Variants in CHGA observed in about 807,000 individuals in gnomAD.
The protein encoded by CHGA is chromogranin-A.
CHGA carries 41 observed loss-of-function variants against 54.4 expected under a neutral mutation model. That is an observed-to-expected ratio of 0.75 (90% CI 0.59 to 0.98). The LOEUF is 0.98. CHGA is among the 50% of genes least tolerant of loss of function. The pLI is 0.00. For missense variants in CHGA, 576 were observed against 582.3 expected, an observed-to-expected ratio of 0.99 and a Z score of 0.11; for synonymous variants, 249 against 232.8, an observed-to-expected ratio of 1.07 and a Z score of -0.63.
At chr14:92,923,853 G>GCC (rs530390839) in intron 1 of CHGA, among the ~76,000 whole-genome samples, 3 of 145,930 alleles carry the variant, frequency 2.1e-5, no homozygotes, top group Admixed American at 6.8e-5. Flanking sequence ...CTCTTCCCCC[G>GCC]CCCCCCCCAC....
In CHGA at chr14:92,926,429, C is replaced by T. The variant is rs115599902; in HGVS notation, c.94-176C>T. 624 of 614,256 alleles carry T rather than the reference C, an allele frequency of 1.0e-3. 2 individuals are homozygous for T. The African/African-American group carries it at 0.011, about 11-fold the overall frequency. 38.1% of individuals were successfully genotyped at this position (614,256 alleles called of 1,614,324 possible). On this transcript the variant is annotated intron_variant, in intron 2 of 7. Coordinates refer to ENST00000216492, the MANE Select transcript of CHGA (RefSeq NM_001275.4). ...CACTGTGTTAAGGGTTTTCTATTATCATTGCTATCACTGTCTGGCTAAGAA... is the reference window on the plus strand; with the variant it reads ...CACTGTGTTAAGGGTTTTCTATTATTATTGCTATCACTGTCTGGCTAAGAA...
chr14:92,929,875 C>CTATGAT, intron 5 of CHGA, 60 bp downstream of exon 5: 1 of 1,348,818 alleles, frequency 7.4e-7, no homozygotes, highest in Non-Finnish European at 1.1e-6. Flanking sequence ...GGAACAGTGG[C>CTATGAT]TATGATGGAC....
At chr14:92,926,871 G>A (rs1007413727) in intron 3 of CHGA, among the ~76,000 whole-genome samples, 173 bp downstream of exon 3, 4 of 152,250 alleles carry the variant, frequency 2.6e-5, no homozygotes, top group African/African-American at 9.6e-5. Flanking sequence ...TGAAGGGGTT[G>A]TAGCCCAGGT....
chr14:92,925,044 T>C (rs750409873), intron 2 of CHGA, among the ~76,000 whole-genome samples: 21 of 152,190 alleles, frequency 1.4e-4, no homozygotes, highest in Admixed American at 4.6e-4. Flanking sequence ...TTTGCTCAAT[T>C]ATATTTCCTA....
Position 92,934,839 on chromosome 14 carries a change from G to T in CHGA, c.1329G>T (p.Glu443Asp), listed in dbSNP as rs145505017. ...ELESLSAIEA[E>D]LEKVAHQLQA... ...AGAGCCTGTCGGCCATTGAAGCAGA[G>T]CTGGAGAAAGTGGCCCACCAGCTGC... is the stretch of plus-strand genomic sequence containing the variant. The change falls in exon 8 of 8, where the codon GAG becomes GAT. Residue 443 changes from glutamate (E) to aspartate (D), a missense_variant. Glu to Asp is a conservative substitution (Grantham distance 45). Transcript: ENST00000216492. The T allele has an allele frequency of 1.3e-6, 2 of 1,586,756 alleles. No homozygotes were observed. The highest frequency in any genetic ancestry group is 1.7e-4 in the Middle Eastern group (1 of 6,014).
In CHGA at chr14:92,931,495, G is replaced by A. The variant is rs1325264091; in HGVS notation, c.601G>A (p.Gly201Arg). The part of the protein sequence containing the change: ...SQKYPGPQAE[G>R]DSEGLSQGLV... Reference sequence around the variant, plus strand: ...GAAATACCCAGGCCCACAGGCCGAGGGGGACAGTGAGGGCCTCTCTCAGGG... The same window carrying A: ...GAAATACCCAGGCCCACAGGCCGAGAGGGACAGTGAGGGCCTCTCTCAGGG... Residue 201 changes from glycine (G) to arginine (R), a missense_variant, in exon 6 of 8, where the codon GGG (glycine) becomes AGG (arginine). By Grantham distance (125) the Gly-to-Arg change is moderately radical. Coordinates refer to ENST00000216492, the MANE Select transcript of CHGA (RefSeq NM_001275.4). 3.7e-6 allele frequency: 6 copies of A among 1,612,464 alleles called. No individual in the cohort carries two copies. The highest frequency in any genetic ancestry group is 5.1e-6 in the Non-Finnish European group (6 of 1,179,606).
intron 3 of CHGA, among the ~76,000 whole-genome samples, chr14:92,927,148 A>G (rs1485436366): frequency 6.6e-6 from 1 of 152,228 alleles, no homozygotes; most frequent in Non-Finnish European, 1.5e-5. Context: ...TGCTGGATAG[A>G]GCCAGCAGCA....
At chr14:92,926,757 T>A in intron 3 of CHGA, 59 bp downstream of exon 3, 1 of 1,394,484 alleles carries the variant, frequency 7.2e-7, no homozygotes. Context: ...GGCTAGGACA[T>A]GGGTGTGTGG....
upstream of CHGA, chr14:92,923,140 C>CGCT (rs895121097): frequency 5.8e-6 from 2 of 346,696 alleles, no homozygotes; most frequent in Non-Finnish European, 1.0e-5. Context: ...GGCGCGAGGG[C>CGCT]GCTGCTGCTG....
intron 5 of CHGA, 81 bp downstream of exon 5, chr14:92,929,896 A>C: frequency 1.8e-6 from 2 of 1,105,862 alleles, no homozygotes; most frequent in Non-Finnish European, 2.7e-6. Context: ...CCAGGGTTCC[A>C]GTGAGTCGGG....
rs781318641 is a variant in CHGA, at chr14:92,931,562, G to A, written c.668G>A (p.Trp223Ter). ...AAGGGCCTGAGTGCAGAGCCAGGGT[G>A]GCAGGCAAAGAGAGAAGAGGAGGAG... Reference protein sequence around the residue: ...REKGLSAEPGWQAKREEEEEE... With the variant: ...REKGLSAEPG The change falls in exon 6 of 8, where the codon TGG (tryptophan) becomes TAG (stop). Residue 223 changes from tryptophan to a stop codon, truncating the protein, a stop_gained. Transcript: ENST00000216492. LOFTEE classifies it high-confidence loss of function. 1.2e-6 allele frequency: 2 copies of A among 1,612,826 alleles called. No homozygotes were observed. The highest frequency in any genetic ancestry group is 3.3e-5 in the Admixed American group (2 of 59,944).
chr14:92,923,273 C>A lies in CHGA; in HGVS notation c.-87C>A, dbSNP rs902434407. ...GCCCCGCGCCGGTGCCACCGCAGCCCGACCCCGGCCGCCAGTCCAGCCGCC... is the reference window on the plus strand; with the variant it reads ...GCCCCGCGCCGGTGCCACCGCAGCCAGACCCCGGCCGCCAGTCCAGCCGCC... On this transcript the variant is annotated 5_prime_UTR_variant, in exon 1 of 8. Coordinates refer to ENST00000216492, the MANE Select transcript of CHGA (RefSeq NM_001275.4). 10 of 1,196,792 alleles carry A rather than the reference C, an allele frequency of 8.4e-6. No homozygotes were observed. In the African/African-American group the frequency reaches 1.3e-4, roughly 15 times the overall value. The allele number at this position is 1,196,792 out of a possible 1,614,324, so 74.1% of individuals were successfully genotyped here. A position where few individuals can be genotyped will look rare whatever the true frequency, so the allele number is the denominator to read the frequency against.
Position 92,923,258 on chromosome 14 carries a change from G to A in CHGA, c.-102G>A. 9.1e-7 allele frequency: 1 copy of A among 1,102,026 alleles called. No homozygotes were observed. The highest frequency in any genetic ancestry group is 1.1e-6 in the Non-Finnish European group (1 of 873,026). The allele number at this position is 1,102,026 out of a possible 1,614,324, so 68.3% of individuals were successfully genotyped here. ...GGCACTGCGCCCCCAGCCCCGCGCC[G>A]GTGCCACCGCAGCCCGACCCCGGCC... is the stretch of plus-strand genomic sequence containing the variant. On this transcript the variant is annotated 5_prime_UTR_variant, in exon 1 of 8. Transcript: ENST00000216492.
chr14:92,931,578 AGAG>A lies in CHGA; in HGVS notation c.707_709del (p.Glu236del), dbSNP rs371215355. 9.6e-4 allele frequency: 1,523 copies of A among 1,594,234 alleles called. 9 individuals carry two copies. The African/African-American group carries it at 0.013, about 13-fold the overall frequency. ...AGCCAGGGTGGCAGGCAAAGAGAGAAGAGGAGGAGGAGGAGGAGGAGGAGGCTG... is the reference window on the plus strand; with the variant it reads ...AGCCAGGGTGGCAGGCAAAGAGAGAAGAGGAGGAGGAGGAGGAGGAGGCTG... On this transcript the variant is annotated inframe_deletion, in exon 6 of 8. Transcript: ENST00000216492.
chr14:92,934,041 G>A (rs116286439), intron 7 of CHGA, among the ~76,000 whole-genome samples: 4,224 of 152,262 alleles, frequency 0.028, 184 homozygotes, highest in African/African-American at 0.095. Flanking sequence ...CTGCAATGTC[G>A]GGGTCCCTGG....
In CHGA at chr14:92,924,249, A is replaced by G; in HGVS notation, c.93+4A>G. Reference sequence around the variant, plus strand: ...TATGAATAAAGGGGATACCGAGGTAAGAAGGGGTGCTGGGGATGAGGGGTA... The same window carrying G: ...TATGAATAAAGGGGATACCGAGGTAGGAAGGGGTGCTGGGGATGAGGGGTA... On this transcript the variant is annotated splice_donor_region_variant and intron_variant, in intron 2 of 7. Transcript: ENST00000216492. 1 of 1,611,620 alleles carries G rather than the reference A, an allele frequency of 6.2e-7. No individual in the cohort carries two copies. Among genetic ancestry groups the G allele is most frequent in the Non-Finnish European group, 8.5e-7 (1 of 1,179,318 alleles).
Position 92,930,586 on chromosome 14 carries a change from T to C in CHGA, c.356-664T>C, listed in dbSNP as rs145586874. On this transcript the variant is annotated intron_variant, in intron 5 of 7. Transcript: ENST00000216492. ...GAGGCTTGGGTTCCAGGCTCAGCTC[T>C]GCTGCCCGCAAACTGTGAGATGGAC... Among the ~76,000 whole-genome samples, 152 of 152,368 alleles carry C rather than the reference T, an allele frequency of 1.0e-3. 1 individual carries two copies. The highest frequency in any genetic ancestry group is 3.5e-3 in the African/African-American group (144 of 41,584).
chr14:92,931,055 TA>T (rs1566674569), intron 5 of CHGA, among the ~76,000 whole-genome samples, 194 bp from the exon 6 acceptor site: 1 of 152,364 alleles, frequency 6.6e-6, no homozygotes, highest in African/African-American at 2.4e-5. Flanking sequence ...AAGTCAGGAT[TA>T]AAAAGAAAGA....
chr14:92,933,106 C>T (rs113963143), intron 7 of CHGA: 18 of 462,074 alleles, frequency 3.9e-5, no homozygotes, highest in South Asian at 1.1e-4. Flanking sequence ...TGAGTGGGGA[C>T]GTTGTCCAGA....
Sources: gnomAD v4.1 joint callset for allele counts (sites outside exome capture counted in the v4.1 genomes callset) on GRCh38, gnomAD v4.1.1 for gene constraint, MANE v1.5 for transcripts, NCBI Gene and HGNC (gene_info 2026-07-23, HGNC 2026-07-21) for gene names.